Variants in PLCL2 observed in about 807,000 individuals in gnomAD.
The protein encoded by PLCL2 is phospholipase C like 2, also known as inactive phospholipase C-like protein 2.
A neutral mutation model predicts 79.6 loss-of-function variants in PLCL2; 4 were observed. The ratio of observed to expected loss-of-function variants is 0.05; its 90% CI spans 0.02 to 0.11. The LOEUF (loss-of-function observed/expected upper bound fraction) is 0.11, where lower values mean the gene tolerates loss of function less well. PLCL2 is among the 10% of genes least tolerant of loss of function. The pLI, the probability that PLCL2 is intolerant of heterozygous loss-of-function variation, is 1.00. For synonymous variants in PLCL2, 484 were observed against 457.7 expected, an observed-to-expected ratio of 1.06 and a Z score of -0.73; for missense variants, 895 against 1,291.0, an observed-to-expected ratio of 0.69 and a Z score of 4.70.
At chr3:16,895,586 C>A (rs1696461642) in intron 1 of PLCL2, among the ~76,000 whole-genome samples, 1 of 152,116 alleles carries the variant, frequency 6.6e-6, no homozygotes, top group African/African-American at 2.4e-5. Flanking sequence ...TATATACTTA[C>A]CACACTGTCT....
intron 5 of PLCL2, among the ~76,000 whole-genome samples, chr3:17,070,841 C>G (rs1422761146): frequency 6.6e-6 from 1 of 152,030 alleles, no homozygotes; most frequent in Non-Finnish European, 1.5e-5. Context: ...AGCACAAATG[C>G]TTAGGGAGGG....
At position 16,949,449 on chromosome 3, in the gene PLCL2, T is replaced by C. The variant is rs915185718; in HGVS notation, c.328-60225T>C. Among the ~76,000 whole-genome samples the C allele has an allele frequency of 2.0e-5, 3 of 152,236 alleles. No individual in the cohort carries two copies. The South Asian group carries it at 6.2e-4, about 32-fold the overall frequency. ...CTCTTCTACAAATTATCCTTGATCC[T>C]ATATCCATTTTTAAATATTTGTTTA... On this transcript the variant is annotated intron_variant, in intron 1 of 5. Coordinates refer to ENST00000615277, the MANE Select transcript of PLCL2 (RefSeq NM_001144382.2).
chr3:17,048,663 C>T (rs1448929526), intron 4 of PLCL2, among the ~76,000 whole-genome samples: 1 of 152,198 alleles, frequency 6.6e-6, no homozygotes, highest in East Asian at 1.9e-4. Context: ...TTCATAGCCA[C>T]CTCCTGTTGC....
intron 1 of PLCL2, among the ~76,000 whole-genome samples, chr3:16,978,199 G>A (rs923321544): frequency 3.3e-5 from 5 of 152,224 alleles, no homozygotes; most frequent in African/African-American, 9.6e-5. Context: ...TATTTAAAAT[G>A]TAGTAAAAGG....
At chr3:17,085,975 T>TA (rs1453955614) in intron 5 of PLCL2, among the ~76,000 whole-genome samples, 1 of 152,228 alleles carries the variant, frequency 6.6e-6, no homozygotes, top group Non-Finnish European at 1.5e-5. Context: ...ATTGTCAAGA[T>TA]ATCAGTTCTT....
At chr3:17,005,332 T>C (rs912789588) in intron 1 of PLCL2, among the ~76,000 whole-genome samples, 5 of 151,964 alleles carry the variant, frequency 3.3e-5, no homozygotes, top group Admixed American at 6.6e-5. Context: ...CCAGACACTT[T>C]GTTGCCAGCC....
chr3:17,020,650 G>A (rs546565153), intron 3 of PLCL2, among the ~76,000 whole-genome samples: 2 of 152,056 alleles, frequency 1.3e-5, no homozygotes, highest in African/African-American at 4.8e-5. Flanking sequence ...GTAGAAAATA[G>A]TACTTTTTAA....
At chr3:16,915,539 T>C (rs547268394) in intron 1 of PLCL2, among the ~76,000 whole-genome samples, 85 of 152,346 alleles carry the variant, frequency 5.6e-4, no homozygotes, top group Non-Finnish European at 1.2e-3. Context: ...GGTTTAGATA[T>C]ATTTTTTTGT....
intron 3 of PLCL2, among the ~76,000 whole-genome samples, chr3:17,024,455 C>G (rs939551742): frequency 6.6e-6 from 1 of 151,990 alleles, no homozygotes; most frequent in Non-Finnish European, 1.5e-5. Context: ...GTATAAAGCC[C>G]TTTTTAAAAA....
intron 1 of PLCL2, among the ~76,000 whole-genome samples, chr3:16,901,690 G>A (rs755763444): frequency 3.9e-5 from 6 of 152,056 alleles, no homozygotes; most frequent in South Asian, 4.1e-4. Flanking sequence ...TGTCTGTGCC[G>A]TGTTTCCCCC....
chr3:16,905,135 C>T (rs908047796), intron 1 of PLCL2, among the ~76,000 whole-genome samples: 6 of 152,154 alleles, frequency 3.9e-5, no homozygotes, highest in African/African-American at 1.4e-4. Flanking sequence ...AAAATGTGGA[C>T]TGAATCCTCT....
Position 16,978,910 on chromosome 3 carries a change from C to T in PLCL2, c.328-30764C>T, listed in dbSNP as rs529990294. The stretch of plus-strand genomic sequence containing the variant: ...TTTCTTTTAGCCAGCCCTTGTTCTT[C>T]TTTTAGAATCTTTGGTGGATACGGA... On this transcript the variant is annotated intron_variant, in intron 1 of 5. Coordinates refer to ENST00000615277, the MANE Select transcript of PLCL2 (RefSeq NM_001144382.2). Among the ~76,000 whole-genome samples, 5 of 152,284 alleles carry T rather than the reference C, an allele frequency of 3.3e-5. No homozygotes were observed. The South Asian group carries it at 8.3e-4, about 25-fold the overall frequency.
At position 17,011,440 on chromosome 3, in the gene PLCL2, A is replaced by G. The variant is rs1362332594; in HGVS notation, c.2094A>G (p.Gln698=). The change falls in exon 2 of 6, where the codon CAA becomes CAG. Residue 698 remains glutamine, a synonymous_variant. Coordinates refer to ENST00000615277, the MANE Select transcript of PLCL2 (RefSeq NM_001144382.2). The surrounding 1 kb of genome is among the most constrained non-coding windows in gnomAD (Gnocchi z 7.9). The part of the protein sequence containing the change: ...NPQDFWKCGC[Q]IVAMNFQTPG... ...AAGATTTTTGGAAATGTGGTTGCCA[A>G]ATTGTAGCCATGAACTTTCAGACAC... 2 of 1,614,170 alleles carry G rather than the reference A, an allele frequency of 1.2e-6. No individual in the cohort carries two copies.
At chr3:16,906,698 A>G (rs1170177616) in intron 1 of PLCL2, among the ~76,000 whole-genome samples, 1 of 152,250 alleles carries the variant, frequency 6.6e-6, no homozygotes, top group Non-Finnish European at 1.5e-5. Context: ...TCTAAAATAA[A>G]GCTTCATAAA....
intron 4 of PLCL2, among the ~76,000 whole-genome samples, chr3:17,065,080 A>G (rs543039451): frequency 1.3e-5 from 2 of 152,202 alleles, no homozygotes; most frequent in South Asian, 2.1e-4. Context: ...CCAGTGTTCA[A>G]TTTGTCACCT....
intron 1 of PLCL2, among the ~76,000 whole-genome samples, chr3:16,969,800 G>A (rs1481918132): frequency 6.6e-6 from 1 of 151,748 alleles, no homozygotes; most frequent in Non-Finnish European, 1.5e-5. Flanking sequence ...GTTTGCTCTT[G>A]TTTTTCTAGT....
chr3:17,085,973 G>A (rs1378227955), intron 5 of PLCL2, among the ~76,000 whole-genome samples: 3 of 152,138 alleles, frequency 2.0e-5, no homozygotes, highest in African/African-American at 4.8e-5. Flanking sequence ...ATATTGTCAA[G>A]ATATCAGTTC....
At chr3:16,944,717 T>C (rs1221278256) in intron 1 of PLCL2, among the ~76,000 whole-genome samples, 4 of 152,002 alleles carry the variant, frequency 2.6e-5, no homozygotes, top group African/African-American at 9.7e-5. Flanking sequence ...CATGTTTTTA[T>C]TTTTTGAGGA....
At chr3:16,982,809 A>C (rs976899305) in intron 1 of PLCL2, among the ~76,000 whole-genome samples, 1 of 152,250 alleles carries the variant, frequency 6.6e-6, no homozygotes, top group African/African-American at 2.4e-5. Context: ...GGAAAAAAAA[A>C]GCTATATTCT....
Sources: gnomAD v4.1 joint callset for allele counts (sites outside exome capture counted in the v4.1 genomes callset) on GRCh38, gnomAD v4.1.1 for gene constraint, Gnocchi (gnomAD v3.1) non-coding constraint, MANE v1.5 for transcripts, NCBI Gene and HGNC (gene_info 2026-07-23, HGNC 2026-07-21) for gene names.